PTPRD: variants seen among roughly 807,000 people sequenced by gnomAD.
PTPRD encodes the protein receptor-type tyrosine-protein phosphatase delta.
PTPRD carries 34 observed loss-of-function variants against 214.5 expected under a neutral mutation model. The observed-to-expected ratio is 0.16, with a 90% CI of 0.12 to 0.21. The LOEUF (loss-of-function observed/expected upper bound fraction) is 0.21. Ranked by LOEUF, PTPRD falls within the 10% of genes least tolerant of loss-of-function variation. PTPRD has a pLI of 1.00. For missense variants in PTPRD, 2,545 were observed against 2,398.7 expected, an observed-to-expected ratio of 1.06 and a Z score of -1.27; for synonymous variants, 1,128 against 845.7, an observed-to-expected ratio of 1.33 and a Z score of -5.79.
chr9:8,542,486 T>C (rs1370744232), intron 14 of PTPRD, among the ~76,000 whole-genome samples: 1 of 152,192 alleles, frequency 6.6e-6, no homozygotes, highest in African/African-American at 2.4e-5. Flanking sequence ...AGATGAGGAA[T>C]GAAGGAGAAT....
At chr9:8,770,482 C>A (rs2095121251) in intron 11 of PTPRD, among the ~76,000 whole-genome samples, 1 of 152,118 alleles carries the variant, frequency 6.6e-6, no homozygotes, top group Admixed American at 6.5e-5. Context: ...ATTTTTCTCT[C>A]ATTAAATATA....
chr9:9,198,319 T>C (rs1346322114), intron 9 of PTPRD, among the ~76,000 whole-genome samples: 2 of 152,160 alleles, frequency 1.3e-5, no homozygotes, highest in African/African-American at 2.4e-5. Flanking sequence ...AAAATAAGTT[T>C]GGTTAATTTT....
chr9:9,108,577 A>C (rs535006462), intron 10 of PTPRD, among the ~76,000 whole-genome samples: 24 of 152,282 alleles, frequency 1.6e-4, no homozygotes, highest in African/African-American at 5.5e-4. Context: ...GGCTTATGCC[A>C]CTTATAACAC....
chr9:8,495,273 C>T (rs547854843), intron 26 of PTPRD, among the ~76,000 whole-genome samples: 1 of 152,144 alleles, frequency 6.6e-6, no homozygotes, highest in Non-Finnish European at 1.5e-5. Flanking sequence ...TGAACGGTAA[C>T]ACATCTGCAA....
intron 4 of PTPRD, among the ~76,000 whole-genome samples, chr9:10,003,024 TAA>T (rs1288885014): frequency 1.3e-5 from 2 of 151,628 alleles, no homozygotes; most frequent in African/African-American, 4.8e-5. Context: ...AAATCAATTA[TAA>T]GAGAAACAGT....
chr9:9,194,197 G>C (rs2099936898), intron 9 of PTPRD, among the ~76,000 whole-genome samples: 1 of 152,184 alleles, frequency 6.6e-6, no homozygotes, highest in Admixed American at 6.5e-5. Context: ...GGGAATAAAA[G>C]GCATAGAGCT....
chr9:9,241,051 T>C (rs1195477838), intron 9 of PTPRD, among the ~76,000 whole-genome samples: 2 of 152,120 alleles, frequency 1.3e-5, no homozygotes, highest in African/African-American at 2.4e-5. Context: ...AGAGCTCTAA[T>C]AAATGAACTG....
At position 10,396,660 on chromosome 9, in the gene PTPRD, A is replaced by G. The variant is rs921587282; in HGVS notation, c.-599-55643T>C. Among the ~76,000 whole-genome samples, 2 of 151,978 alleles carry G rather than the reference A, an allele frequency of 1.3e-5. 1 individual carries two copies. Among genetic ancestry groups the G allele is most frequent in the South Asian group, 4.1e-4 (2 of 4,832 alleles). On this transcript the variant is annotated intron_variant, in intron 2 of 45. Coordinates refer to ENST00000381196, the MANE Select transcript of PTPRD (RefSeq NM_002839.4). ...GATTTGATGGAAATACGAGTAAAGCACCTTCTTAATGAGATTTGGGAAATA... is the reference window on the plus strand; with the variant it reads ...GATTTGATGGAAATACGAGTAAAGCGCCTTCTTAATGAGATTTGGGAAATA...
At chr9:10,450,265 CAT>C (rs1158911867) in intron 2 of PTPRD, among the ~76,000 whole-genome samples, 2 of 151,320 alleles carry the variant, frequency 1.3e-5, no homozygotes, top group Non-Finnish European at 2.9e-5. Context: ...AATAAATAAA[CAT>C]AAATAAATAA....
At chr9:8,470,508 T>C (rs548680203) in intron 31 of PTPRD, among the ~76,000 whole-genome samples, 3 of 152,250 alleles carry the variant, frequency 2.0e-5, no homozygotes, top group Middle Eastern at 3.4e-3. Flanking sequence ...ACCTACAGAA[T>C]ATAGAACAAG....
At chr9:10,588,351 A>C (rs2132728289) in intron 2 of PTPRD, among the ~76,000 whole-genome samples, 1 of 151,124 alleles carries the variant, frequency 6.6e-6, no homozygotes, top group Non-Finnish European at 1.5e-5. Context: ...CCACTTAGTA[A>C]CTATCTTACA....
At chr9:8,977,399 T>C (rs760628159) in intron 11 of PTPRD, among the ~76,000 whole-genome samples, 1 of 152,106 alleles carries the variant, frequency 6.6e-6, no homozygotes, top group Non-Finnish European at 1.5e-5. Flanking sequence ...TATTTAGTAT[T>C]TCTAAATTAT....
chr9:9,134,894 G>C (rs923556251), intron 10 of PTPRD, among the ~76,000 whole-genome samples: 16 of 151,978 alleles, frequency 1.1e-4, no homozygotes, highest in Non-Finnish European at 2.9e-5. Flanking sequence ...TTTTAGAAAT[G>C]GTACATAAAA....
At chr9:10,310,404 A>T (rs1046194020) in intron 3 of PTPRD, among the ~76,000 whole-genome samples, 1 of 152,112 alleles carries the variant, frequency 6.6e-6, no homozygotes. Flanking sequence ...AAGAAAAAAA[A>T]TTCAACGTTA....
At chr9:9,465,623 G>C (rs1240592188) in intron 8 of PTPRD, among the ~76,000 whole-genome samples, 1 of 152,150 alleles carries the variant, frequency 6.6e-6, no homozygotes, top group Non-Finnish European at 1.5e-5. Flanking sequence ...TGATTTTTGA[G>C]AACGATCCTC....
chr9:8,521,584 G>C (rs1039428731), intron 19 of PTPRD, 38 bp from the exon 20 acceptor site: 2 of 1,594,934 alleles, frequency 1.3e-6, no homozygotes, highest in African/African-American at 1.3e-5. Flanking sequence ...ACATATACAA[G>C]GCAAGAAAAA....
intron 7 of PTPRD, among the ~76,000 whole-genome samples, chr9:9,686,501 A>G (rs2154400801): frequency 6.6e-6 from 1 of 151,544 alleles, no homozygotes; most frequent in Non-Finnish European, 1.5e-5. Context: ...TTCTATGTAG[A>G]TATTATCTAT....
chr9:9,069,352 C>A (rs1379178532), intron 10 of PTPRD, among the ~76,000 whole-genome samples: 1 of 152,156 alleles, frequency 6.6e-6, no homozygotes, highest in African/African-American at 2.4e-5. Flanking sequence ...AGTATTCACA[C>A]ACAAAAAACT....
intron 8 of PTPRD, among the ~76,000 whole-genome samples, chr9:9,424,222 C>G (rs2079949166): frequency 6.6e-6 from 1 of 152,238 alleles, no homozygotes; most frequent in South Asian, 2.1e-4. Context: ...ACTTCTCTCT[C>G]TGCCCATTCA....
Sources: gnomAD v4.1 joint callset for allele counts (sites outside exome capture counted in the v4.1 genomes callset) on GRCh38, gnomAD v4.1.1 for gene constraint, MANE v1.5 for transcripts, NCBI Gene and HGNC (gene_info 2026-07-23, HGNC 2026-07-21) for gene names.